The following JAKMIP3 variants were observed in gnomAD, a reference collection of about 807,000 sequenced individuals.
The protein encoded by JAKMIP3 is janus kinase and microtubule-interacting protein 3.
In JAKMIP3, 58 loss-of-function variants were observed where a neutral mutation model predicts 118.5. That is an observed-to-expected ratio of 0.49 (90% CI 0.40 to 0.61). JAKMIP3 has a LOEUF of 0.61. Among genes scored for constraint, JAKMIP3 ranks in the 20% least tolerant of loss-of-function variants. The pLI is 0.00. For missense variants in JAKMIP3, 950 were observed against 1,109.0 expected (o/e 0.86, Z 2.04); for synonymous variants, 486 against 451.2 (o/e 1.08, Z -0.98).
chr10:132,164,564 C>A, intron 20 of JAKMIP3, 106 bp from the exon 21 acceptor site: 1 of 751,988 alleles, frequency 1.3e-6, no homozygotes, highest in South Asian at 1.7e-5. Context: ...GCCATGCCAG[C>A]TGCTCTGCGA....
rs530681698 is a variant in JAKMIP3, at chr10:132,131,116, C to T, written c.634-2196C>T. On this transcript the variant is annotated intron_variant, in intron 3 of 23. Transcript: ENST00000684848. ...GGGCTTCTCTCCAGTTTCCAGGCAT[C>T]CTCTGCAGCTGGGAGTGAGGAGGTC... Among the ~76,000 whole-genome samples, 4 of 152,054 alleles carry T rather than the reference C, an allele frequency of 2.6e-5. No individual in the cohort carries two copies. The East Asian group carries it at 5.8e-4, about 22-fold the overall frequency.
At chr10:132,045,566 T>A (rs1254141686) in intron 1 of JAKMIP3, among the ~76,000 whole-genome samples, 1 of 152,182 alleles carries the variant, frequency 6.6e-6, no homozygotes, top group Non-Finnish European at 1.5e-5. Flanking sequence ...GAGGGAAGTG[T>A]ACTGAGGTCT....
At chr10:132,172,442 G>T (rs2059584339) in intron 23 of JAKMIP3, among the ~76,000 whole-genome samples, 1 of 152,028 alleles carries the variant, frequency 6.6e-6, no homozygotes, top group African/African-American at 2.4e-5. Flanking sequence ...CTCTGTGAAC[G>T]TTGCCCCGAT....
At chr10:132,043,575 C>T (rs1589998662) in intron 1 of JAKMIP3, among the ~76,000 whole-genome samples, 1 of 152,214 alleles carries the variant, frequency 6.6e-6, no homozygotes, top group Non-Finnish European at 1.5e-5. Context: ...TTTTTCAGTC[C>T]TAGTCAGGAT....
upstream of JAKMIP3, among the ~76,000 whole-genome samples, chr10:132,062,343 C>T (rs1021755572): frequency 1.3e-5 from 2 of 152,180 alleles, no homozygotes; most frequent in Admixed American, 1.3e-4. Flanking sequence ...TCAGCCCTGC[C>T]ACCTCCCATT....
intron 17 of JAKMIP3, 82 bp downstream of exon 17, chr10:132,153,105 C>A (rs1325322083): frequency 1.7e-6 from 2 of 1,187,500 alleles, no homozygotes; most frequent in East Asian, 2.5e-5. Context: ...GTGGTGATCT[C>A]GGGAGGAGGG....
chr10:132,052,179 T>C (rs1401627474), intron 1 of JAKMIP3, among the ~76,000 whole-genome samples: 2 of 152,200 alleles, frequency 1.3e-5, no homozygotes, highest in Non-Finnish European at 2.9e-5. Context: ...TGAGCTGAGA[T>C]TGTGCCACTA....
chr10:132,043,512 G>GGTT (rs1395575781), intron 1 of JAKMIP3, among the ~76,000 whole-genome samples: 1 of 152,228 alleles, frequency 6.6e-6, no homozygotes, highest in Non-Finnish European at 1.5e-5. Context: ...GGGGAAACGG[G>GGTT]GTTGGATGCT....
intron 1 of JAKMIP3, among the ~76,000 whole-genome samples, chr10:132,088,639 T>G (rs970291579): frequency 6.6e-6 from 1 of 152,262 alleles, no homozygotes; most frequent in Non-Finnish European, 1.5e-5. Context: ...TGCAAAAATT[T>G]TCTCCCATTC....
rs186415433 is a variant in JAKMIP3, at chr10:132,087,450, A to T, written c.-137-17222A>T. Among the ~76,000 whole-genome samples, 194 of 152,240 alleles carry T rather than the reference A, an allele frequency of 1.3e-3. 1 individual carries two copies. The highest frequency in any genetic ancestry group is 4.6e-3 in the African/African-American group (191 of 41,544). ...GTTTTTCTTGATTGTTCCCCCAAAT[A>T]TGTTTTACAGACTTTTAGATTTCTC... On this transcript the variant is annotated intron_variant, in intron 1 of 23. Coordinates refer to ENST00000684848, the MANE Select transcript of JAKMIP3 (RefSeq NM_001323087.2).
intron 23 of JAKMIP3, among the ~76,000 whole-genome samples, chr10:132,176,260 G>A (rs1011036271): frequency 3.9e-5 from 6 of 152,254 alleles, no homozygotes; most frequent in Admixed American, 6.5e-5. Flanking sequence ...GCAGCCTCCA[G>A]CTCACAGGCA....
chr10:132,176,359 G>A (rs536011040), intron 23 of JAKMIP3, among the ~76,000 whole-genome samples: 20 of 152,346 alleles, frequency 1.3e-4, no homozygotes, highest in Middle Eastern at 3.4e-3. Context: ...CCTCAGCACA[G>A]CATCGTCCTC....
At chr10:132,171,640 A>ATT in intron 23 of JAKMIP3, among the ~76,000 whole-genome samples, 1 of 134,478 alleles carries the variant, frequency 7.4e-6, no homozygotes, top group South Asian at 2.4e-4. Context: ...TCCCTGTCTT[A>ATT]TTTTTTTCTT....
At chr10:132,155,141 A>G in intron 19 of JAKMIP3, among the ~76,000 whole-genome samples, 2 of 137,562 alleles carry the variant, frequency 1.5e-5, no homozygotes, top group Non-Finnish European at 3.2e-5. Flanking sequence ...TGGTGGTGAT[A>G]TGGTGGTGAT....
chr10:132,182,003 G>A (rs1437558833), intron 23 of JAKMIP3, among the ~76,000 whole-genome samples: 1 of 152,232 alleles, frequency 6.6e-6, no homozygotes, highest in East Asian at 1.9e-4. Context: ...CTTAGCAGAG[G>A]CCCACTTTCT....
intron 1 of JAKMIP3, among the ~76,000 whole-genome samples, chr10:132,092,914 C>A (rs1168092929): frequency 6.6e-6 from 1 of 152,110 alleles, no homozygotes; most frequent in African/African-American, 2.4e-5. Context: ...TACCTTTGAT[C>A]TTTTTTGATG....
At chr10:132,137,452 C>T (rs532757193) in intron 8 of JAKMIP3, among the ~76,000 whole-genome samples, 163 bp downstream of exon 8, 8 of 152,322 alleles carry the variant, frequency 5.3e-5, no homozygotes, top group South Asian at 4.1e-4. Flanking sequence ...AGGCTGTGCA[C>T]GGGTGGCTGA....
At chr10:132,046,910 G>C (rs962866847) in intron 1 of JAKMIP3, among the ~76,000 whole-genome samples, 2 of 152,080 alleles carry the variant, frequency 1.3e-5, no homozygotes, top group African/African-American at 4.8e-5. Context: ...TTTAGTTGAG[G>C]TCTTGCTCTG....
chr10:132,174,922 G>T (rs909432207), intron 23 of JAKMIP3, among the ~76,000 whole-genome samples: 1 of 152,112 alleles, frequency 6.6e-6, no homozygotes, highest in Non-Finnish European at 1.5e-5. Context: ...TGAAACATCT[G>T]TTCAGATCAT....
Sources: gnomAD v4.1 joint callset for allele counts (sites outside exome capture counted in the v4.1 genomes callset) on GRCh38, gnomAD v4.1.1 for gene constraint, MANE v1.5 for transcripts, NCBI Gene and HGNC (gene_info 2026-07-23, HGNC 2026-07-21) for gene names.